Variants in SPRR2G observed in about 807,000 individuals in gnomAD.
SPRR2G encodes small proline rich protein 2G, also known as small proline-rich protein 2G.
In SPRR2G, 1 loss-of-function variant was observed where a neutral mutation model predicts 0.7. That is an observed-to-expected ratio of 1.49 (90% CI 0.53 to 7.06). The LOEUF is 7.06. Ranked by LOEUF, SPRR2G falls within the 30% of genes most tolerant of loss-of-function variation. SPRR2G has a pLI of 0.14. For synonymous variants in SPRR2G, 38 were observed against 33.9 expected (o/e 1.12, Z -0.42); for missense variants, 96 against 88.5 (o/e 1.09, Z -0.34).
At chr1:153,175,578 AT>A in the SPRR2G span, among the ~76,000 whole-genome samples, 2 of 152,220 alleles carry the variant, frequency 1.3e-5, no homozygotes, top group Admixed American at 6.5e-5. Flanking sequence ...ACTCTCATGG[AT>A]TCTTTCAGAT....
the SPRR2G span, among the ~76,000 whole-genome samples, chr1:153,182,064 C>T: frequency 1.3e-5 from 2 of 152,090 alleles, no homozygotes; most frequent in South Asian, 4.1e-4. Context: ...TCTCTGCATC[C>T]TCTCAAGCAT....
At chr1:153,158,431 C>T in the SPRR2G span, among the ~76,000 whole-genome samples, 1 of 152,360 alleles carries the variant, frequency 6.6e-6, no homozygotes, top group Admixed American at 6.5e-5. Context: ...GTCTCACATC[C>T]AAGGCATGCT....
the SPRR2G span, among the ~76,000 whole-genome samples, chr1:153,169,285 C>T: frequency 2.2e-4 from 33 of 152,172 alleles, no homozygotes; most frequent in East Asian, 1.9e-3. Context: ...ACCTACCAGC[C>T]GGGGTCGCGG....
At chr1:153,200,706 T>C in the SPRR2G span, among the ~76,000 whole-genome samples, 1 of 151,840 alleles carries the variant, frequency 6.6e-6, no homozygotes. Context: ...CAGGATTTTT[T>C]TTTTTTTTTT....
At chr1:153,189,147 G>A in the SPRR2G span, among the ~76,000 whole-genome samples, 2 of 152,202 alleles carry the variant, frequency 1.3e-5, no homozygotes, top group Non-Finnish European at 2.9e-5. Context: ...GTTCTTGAAA[G>A]AGGTTCACCA....
At chr1:153,177,870 A>C in the SPRR2G span, among the ~76,000 whole-genome samples, 3 of 150,368 alleles carry the variant, frequency 2.0e-5, no homozygotes, top group Non-Finnish European at 4.5e-5. Flanking sequence ...AAGTCCTCCA[A>C]AAAAAAAAGC....
At chr1:153,159,069 A>G in the SPRR2G span, among the ~76,000 whole-genome samples, 1 of 151,898 alleles carries the variant, frequency 6.6e-6, no homozygotes, top group Non-Finnish European at 1.5e-5. Flanking sequence ...TCTCTGAAAT[A>G]CTCTGGAGAC....
chr1:153,201,722 A>G, the SPRR2G span, among the ~76,000 whole-genome samples: 1 of 152,192 alleles, frequency 6.6e-6, no homozygotes, highest in African/African-American at 2.4e-5. Flanking sequence ...TGAATATGGC[A>G]TTATTTATCC....
At chr1:153,157,685 G>A in the SPRR2G span, among the ~76,000 whole-genome samples, 1 of 152,036 alleles carries the variant, frequency 6.6e-6, no homozygotes, top group African/African-American at 2.4e-5. Flanking sequence ...TTTGGGTTGG[G>A]TTTGGGTAAG....
At chr1:153,180,351 G>A in the SPRR2G span, among the ~76,000 whole-genome samples, 258 of 152,176 alleles carry the variant, frequency 1.7e-3, 2 homozygotes, top group African/African-American at 5.8e-3. Flanking sequence ...TGTATATAAA[G>A]GGAATCATAC....
Position 153,149,788 on chromosome 1 carries a change from T to C in SPRR2G, c.*101A>G, listed in dbSNP as rs941846547. On this transcript the variant is annotated 3_prime_UTR_variant, in exon 2 of 2. Coordinates refer to ENST00000368748, the MANE Select transcript of SPRR2G (RefSeq NM_001014291.4). Reference sequence around the variant, plus strand: ...CAAGCCAGACAGAGGTTAGGGAAGATGCAGCCTCCCACTACAGCTGAAGGG... The same window carrying C: ...CAAGCCAGACAGAGGTTAGGGAAGACGCAGCCTCCCACTACAGCTGAAGGG... 7 of 1,441,598 alleles carry C rather than the reference T, an allele frequency of 4.9e-6. No individual in the cohort carries two copies. The highest frequency in any genetic ancestry group is 6.8e-6 in the Non-Finnish European group (7 of 1,036,108). The allele number at this position is 1,441,598 out of a possible 1,614,324, so 89.3% of individuals were successfully genotyped here. A position where few individuals can be genotyped will look rare whatever the true frequency, so the allele number is the denominator to read the frequency against.
chr1:153,156,514 A>G, the SPRR2G span, among the ~76,000 whole-genome samples: 1 of 152,222 alleles, frequency 6.6e-6, no homozygotes, highest in African/African-American at 2.4e-5. Context: ...GTCTCCTGTG[A>G]CAGAGGTAGT....
chr1:153,150,263 C>G lies in SPRR2G; in HGVS notation c.-21-132G>C, dbSNP rs77765466. 3.5e-3 allele frequency: 4,555 copies of G among 1,315,470 alleles called. 127 individuals carry two copies. The African/African-American group carries it at 0.054, about 16-fold the overall frequency. 81.5% of individuals were successfully genotyped at this position (1,315,470 alleles called of 1,614,324 possible). On this transcript the variant is annotated intron_variant, in intron 1 of 1. Coordinates refer to ENST00000368748, the MANE Select transcript of SPRR2G (RefSeq NM_001014291.4). ...AATACAGTCTTTATGACTTTGTGAA[C>G]CTTCTTCACACTTCACTTTTAGGAC...
chr1:153,153,492 G>A (rs1030513242), upstream of SPRR2G, among the ~76,000 whole-genome samples: 6 of 152,086 alleles, frequency 3.9e-5, no homozygotes, highest in Non-Finnish European at 7.4e-5. Flanking sequence ...TAAATAGTAA[G>A]CCTAGTAAAA....
At chr1:153,197,544 A>G in the SPRR2G span, among the ~76,000 whole-genome samples, 2 of 152,110 alleles carry the variant, frequency 1.3e-5, no homozygotes, top group South Asian at 4.1e-4. Context: ...TTCACTGAGC[A>G]TCTATTATAT....
At chr1:153,196,611 T>C in the SPRR2G span, among the ~76,000 whole-genome samples, 1 of 152,128 alleles carries the variant, frequency 6.6e-6, no homozygotes, top group South Asian at 2.1e-4. Flanking sequence ...TATTAAAAAA[T>C]ATGAAGACCT....
upstream of SPRR2G, among the ~76,000 whole-genome samples, chr1:153,153,327 C>T (rs1656511507): frequency 6.6e-6 from 1 of 152,042 alleles, no homozygotes; most frequent in South Asian, 2.1e-4. Context: ...TGTTAGCAAA[C>T]TGGCACTGTA....
At chr1:153,167,583 T>A in the SPRR2G span, among the ~76,000 whole-genome samples, 785 of 152,330 alleles carry the variant, frequency 5.2e-3, 10 homozygotes, top group Middle Eastern at 0.02. Context: ...ACCATATAAA[T>A]TTGTTTTACA....
At position 153,149,761 on chromosome 1, in the gene SPRR2G, C is replaced by G; in HGVS notation, c.*128G>C. 1 of 1,236,560 alleles carries G rather than the reference C, an allele frequency of 8.1e-7. No individual in the cohort carries two copies. Among genetic ancestry groups the G allele is most frequent in the South Asian group, 1.3e-5 (1 of 76,870 alleles). The allele number at this position is 1,236,560 out of a possible 1,614,324, so 76.6% of individuals were successfully genotyped here. ...GAACTAAGCCTTTTCTCTGTCAACG[C>G]TCAAGCCAGACAGAGGTTAGGGAAG... On this transcript the variant is annotated 3_prime_UTR_variant, in exon 2 of 2. Coordinates refer to ENST00000368748, the MANE Select transcript of SPRR2G (RefSeq NM_001014291.4).
Sources: allele counts gnomAD v4.1 joint callset (sites outside exome capture counted in the v4.1 genomes callset), GRCh38; gene constraint gnomAD v4.1.1; transcripts MANE v1.5; gene names NCBI Gene and HGNC (gene_info 2026-07-23, HGNC 2026-07-21).